The following SHMT1 variants were observed in gnomAD, a reference collection of about 807,000 sequenced individuals.
The protein encoded by SHMT1 is serine hydroxymethyltransferase, cytosolic.
In SHMT1, 45 loss-of-function variants were observed where a neutral mutation model predicts 49.0. That is an observed-to-expected ratio of 0.92 (90% CI 0.72 to 1.18). SHMT1 has a LOEUF of 1.18. Ranked by LOEUF, SHMT1 falls within the 50% of genes most tolerant of loss-of-function variation. The probability of loss-of-function intolerance (pLI) is 0.00; values close to 1 mark genes in which losing one functional copy is unlikely to be tolerated. For synonymous variants in SHMT1, 232 were observed against 246.6 expected, an observed-to-expected ratio of 0.94 and a Z score of 0.55; for missense variants, 541 against 612.4, an observed-to-expected ratio of 0.88 and a Z score of 1.23.
At chr17:18,334,829 A>G (rs1031493205) in intron 8 of SHMT1, among the ~76,000 whole-genome samples, 2 of 152,164 alleles carry the variant, frequency 1.3e-5, no homozygotes, top group African/African-American at 2.4e-5. Flanking sequence ...GTGGGTGCCA[A>G]GTGTGTAGGT....
At chr17:18,353,917 A>G in intron 2 of SHMT1, 100 bp from the exon 3 acceptor site, 2 of 1,029,368 alleles carry the variant, frequency 1.9e-6, no homozygotes, top group Non-Finnish European at 3.1e-6. Flanking sequence ...ACACTCTTTC[A>G]CATTATGGAA....
At chr17:18,335,818 G>C in intron 7 of SHMT1, 143 bp from the exon 8 acceptor site, 1 of 730,204 alleles carries the variant, frequency 1.4e-6, no homozygotes, top group Non-Finnish European at 2.5e-6. Context: ...GTAACACAGC[G>C]GAGCAGAGGG....
chr17:18,328,697 C>A lies in SHMT1; in HGVS notation c.*53G>T. ...ATCCATCTCTCAGGTGGGGGTCCTCCGGCAGGCAGCTTCCTCTGTGGCGCC... is the reference window on the plus strand; with the variant it reads ...ATCCATCTCTCAGGTGGGGGTCCTCAGGCAGGCAGCTTCCTCTGTGGCGCC... On this transcript the variant is annotated 3_prime_UTR_variant, in exon 12 of 12. Coordinates refer to ENST00000316694, the MANE Select transcript of SHMT1 (RefSeq NM_004169.5). The A allele has an allele frequency of 6.5e-7, 1 of 1,544,306 alleles. No individual in the cohort carries two copies. The highest frequency in any genetic ancestry group is 8.7e-7 in the Non-Finnish European group (1 of 1,144,880).
chr17:18,330,768 A>G, intron 9 of SHMT1, 97 bp from the exon 10 acceptor site: 2 of 858,058 alleles, frequency 2.3e-6, no homozygotes, highest in South Asian at 2.7e-5. Context: ...GTCAAAGCAG[A>G]TGAGGTCAGG....
intron 3 of SHMT1, among the ~76,000 whole-genome samples, chr17:18,350,519 T>C (rs1267116514): frequency 1.3e-5 from 2 of 150,086 alleles, no homozygotes; most frequent in African/African-American, 2.5e-5. Flanking sequence ...GCACCTGTGG[T>C]CCTAGCTACA....
At chr17:18,352,010 A>C (rs1356503241) in intron 3 of SHMT1, among the ~76,000 whole-genome samples, 3 of 151,916 alleles carry the variant, frequency 2.0e-5, no homozygotes, top group Non-Finnish European at 4.4e-5. Context: ...ATGTCCGGCT[A>C]ATTTTTAAAT....
Position 18,348,452 on chromosome 17 carries a change from G to A in SHMT1, c.243-12C>T. 1 of 1,583,130 alleles carries A rather than the reference G, an allele frequency of 6.3e-7. No individual in the cohort carries two copies. The highest frequency in any genetic ancestry group is 8.7e-7 in the Non-Finnish European group (1 of 1,151,780). The stretch of plus-strand genomic sequence containing the variant: ...TCCCGCCATAGTATCTGTGGGAGAA[G>A]AGCAGGAGACTTAGATCCACTCAGA... On this transcript the variant is annotated splice_polypyrimidine_tract_variant and intron_variant, in intron 3 of 11. Coordinates refer to ENST00000316694, the MANE Select transcript of SHMT1 (RefSeq NM_004169.5).
intron 5 of SHMT1, among the ~76,000 whole-genome samples, chr17:18,347,096 G>A (rs1476763529): frequency 1.3e-5 from 2 of 152,226 alleles, no homozygotes; most frequent in African/African-American, 4.8e-5. Flanking sequence ...TCCTTGTGCT[G>A]CTGCTGGCCC....
intron 7 of SHMT1, 40 bp from the exon 8 acceptor site, chr17:18,335,715 G>A: frequency 7.1e-7 from 1 of 1,406,982 alleles, no homozygotes; most frequent in Non-Finnish European, 1.0e-6. Context: ...CATAGGGGCT[G>A]TCCCCTCTTT....
intron 4 of SHMT1, 53 bp from the exon 5 acceptor site, chr17:18,347,709 T>C: frequency 5.0e-6 from 8 of 1,607,260 alleles, no homozygotes; most frequent in Non-Finnish European, 6.8e-6. Context: ...AGGTACCAAG[T>C]GGCATCCGGG....
chr17:18,334,244 G>A (rs1242941723), intron 8 of SHMT1, among the ~76,000 whole-genome samples: 4 of 151,564 alleles, frequency 2.6e-5, no homozygotes, highest in East Asian at 3.9e-4. Flanking sequence ...GCCTGGCCAC[G>A]CCTGGCTAAT....
chr17:18,337,980 T>G (rs1233623979), intron 7 of SHMT1, among the ~76,000 whole-genome samples: 2 of 151,930 alleles, frequency 1.3e-5, no homozygotes, highest in Non-Finnish European at 2.9e-5. Flanking sequence ...TTGCAGCCTC[T>G]GCCTGGCCGC....
In SHMT1 at chr17:18,347,606, G is replaced by A. The variant is rs375177539; in HGVS notation, c.409C>T (p.Arg137Cys). Residue 137 changes from arginine to cysteine, a missense_variant, in exon 5 of 12, where the codon CGC becomes TGC. Arg to Cys is a radical substitution (Grantham distance 180). Coordinates refer to ENST00000316694, the MANE Select transcript of SHMT1 (RefSeq NM_004169.5). ...VYTALVEPHGRIMGLDLPDGG... is the reference protein window; with the variant it reads ...VYTALVEPHGCIMGLDLPDGG... ...TCCGGAAGGTCCAGGCCCATGATGC[G>A]CCCATGGGGTTCCACCAGGGCAGTG... 17 of 1,614,010 alleles carry A rather than the reference G, an allele frequency of 1.1e-5. No individual in the cohort carries two copies. The highest frequency in any genetic ancestry group is 4.4e-5 in the South Asian group (4 of 91,090).
chr17:18,340,010 G>T lies in SHMT1; in HGVS notation c.814+33C>A. ...CCCCACAGGAGAAATGTAAACCATG[G>T]TACCCATCTGTACCCAACATTCGGG... is the stretch of plus-strand genomic sequence containing the variant. On this transcript the variant is annotated intron_variant, in intron 7 of 11. Transcript: ENST00000316694. The surrounding 1 kb of genome is among the most constrained non-coding windows in gnomAD (Gnocchi z 4.5). 1 of 1,597,820 alleles carries T rather than the reference G, an allele frequency of 6.3e-7. No individual in the cohort carries two copies. The highest frequency in any genetic ancestry group is 1.1e-5 in the South Asian group (1 of 90,800).
chr17:18,338,751 ACC>A (rs1984137167), intron 7 of SHMT1, among the ~76,000 whole-genome samples: 1 of 152,136 alleles, frequency 6.6e-6, no homozygotes, highest in Non-Finnish European at 1.5e-5. Flanking sequence ...CTTACCCCCA[ACC>A]CCGTGCTCTC....
intron 9 of SHMT1, chr17:18,332,788 C>A (rs1218588412): frequency 3.0e-6 from 1 of 332,482 alleles, no homozygotes; most frequent in East Asian, 7.5e-5. Context: ...TGAGAGAAGA[C>A]ACTCCCCTGG....
rs6502648 is a variant in SHMT1 at position 18,329,257 on chromosome 17, C to A, written c.1282+21G>T. The A allele has an allele frequency of 0.017, 26,015 of 1,554,276 alleles. 1,472 individuals are homozygous for A. The African/African-American group carries it at 0.19, about 11-fold the overall frequency. On this transcript the variant is annotated intron_variant, in intron 11 of 11. Transcript: ENST00000316694. ...AAATACACACAATAAGATGTGGCAA[C>A]TTCCAAACTTTTATCCTTACCTCTG...
intron 11 of SHMT1, 67 bp from the exon 12 acceptor site, chr17:18,328,986 C>A: frequency 6.3e-7 from 1 of 1,590,838 alleles, no homozygotes; most frequent in East Asian, 2.2e-5. Context: ...GGCTGGGGGC[C>A]GAGGCACAAA....
chr17:18,353,631 A>G, intron 3 of SHMT1, 41 bp downstream of exon 3: 3 of 1,606,660 alleles, frequency 1.9e-6, no homozygotes, highest in Non-Finnish European at 1.7e-6. Flanking sequence ...AGTACTCCCT[A>G]TGACTGTGTC....
Sources: gnomAD v4.1 joint callset for allele counts (sites outside exome capture counted in the v4.1 genomes callset) on GRCh38, gnomAD v4.1.1 for gene constraint, Gnocchi (gnomAD v3.1) non-coding constraint, MANE v1.5 for transcripts, NCBI Gene and HGNC (gene_info 2026-07-23, HGNC 2026-07-21) for gene names.